The following FGFR3 variants were observed in gnomAD, a reference collection of about 807,000 sequenced individuals.
FGFR3 encodes FGFR-3.
Under a neutral mutation model 82.9 loss-of-function variants are expected in FGFR3, and 25 were observed. The observed-to-expected ratio is 0.30, with a 90% CI of 0.22 to 0.42. The LOEUF (loss-of-function observed/expected upper bound fraction) is 0.42, where lower values mean the gene tolerates loss of function less well. Ranked by LOEUF, FGFR3 falls within the 10% of genes least tolerant of loss-of-function variation. The pLI, the probability that FGFR3 is intolerant of heterozygous loss-of-function variation, is 1.00. For missense variants in FGFR3, 1,026 were observed against 1,161.0 expected (o/e 0.88, Z 1.69); for synonymous variants, 620 against 516.0 (o/e 1.20, Z -2.73).
intron 4 of FGFR3, 118 bp downstream of exon 4, chr4:1,799,930 C>CAGA (rs1405619238): frequency 8.7e-7 from 1 of 1,153,568 alleles, no homozygotes. Context: ...CTGGGGTCAC[C>CAGA]CCGAAGGTCT....
intron 2 of FGFR3, among the ~76,000 whole-genome samples, chr4:1,798,036 C>A (rs1720722002): frequency 6.6e-6 from 1 of 152,140 alleles, no homozygotes; most frequent in Admixed American, 6.5e-5. Context: ...CCGTCCCGGC[C>A]CCAAGCCCGG....
chr4:1,803,918 G>A (rs571092003), intron 8 of FGFR3, 82 bp downstream of exon 8: 33 of 1,438,188 alleles, frequency 2.3e-5, no homozygotes, highest in South Asian at 1.5e-4. Flanking sequence ...CAGGACGGAC[G>A]GGAATCCTGT....
rs896938786 is a variant in FGFR3, at chr4:1,801,385, G to A, written c.464G>A (p.Arg155Gln). 3.9e-6 allele frequency: 6 copies of A among 1,556,852 alleles called. No individual in the cohort carries two copies. Among genetic ancestry groups the A allele is most frequent in the Admixed American group, 1.9e-5 (1 of 52,686 alleles). Residue 155 changes from arginine to glutamine, a missense_variant, in exon 5 of 18, where the codon CGG (arginine) becomes CAG (glutamine). Arg to Gln is a conservative substitution (Grantham distance 43). Coordinates refer to ENST00000440486, the MANE Select transcript of FGFR3 (RefSeq NM_000142.5). ...GVDTGAPYWTRPERMDKKLLA... is the reference protein window; with the variant it reads ...GVDTGAPYWTQPERMDKKLLA... ...CCCGCAGGGGCCCCTTACTGGACAC[G>A]GCCCGAGCGGATGGACAAGAAGCTG...
chr4:1,794,141 G>A, intron 2 of FGFR3, 98 bp downstream of exon 2: 1 of 584,256 alleles, frequency 1.7e-6, no homozygotes, highest in East Asian at 3.9e-5. Context: ...CGCCGGGTGT[G>A]AGTGACGCCC....
chr4:1,805,710 C>T (rs1317233860), intron 12 of FGFR3, 40 bp from the exon 13 acceptor site: 5 of 1,611,216 alleles, frequency 3.1e-6, no homozygotes, highest in South Asian at 2.2e-5. Context: ...GGGCGGCCCT[C>T]CTGGGCCTGG....
At position 1,803,091 on chromosome 4, in the gene FGFR3, G is replaced by A. The variant is rs766247315; in HGVS notation, c.931-601G>A. On this transcript the variant is annotated intron_variant, in intron 7 of 17. Transcript: ENST00000440486. The stretch of plus-strand genomic sequence containing the variant: ...TAACGACTCTGTCCCATGCCGGCCG[G>A]CACAAGAGCTCCAGCTCCAAGGCCC... 6 of 1,534,894 alleles carry A rather than the reference G, an allele frequency of 3.9e-6. 1 individual carries two copies. The South Asian group carries it at 6.1e-5, about 16-fold the overall frequency.
intron 2 of FGFR3, among the ~76,000 whole-genome samples, chr4:1,796,553 C>T (rs1720540685): frequency 6.6e-6 from 1 of 152,182 alleles, no homozygotes; most frequent in South Asian, 2.1e-4. Context: ...ACCCCTGGGG[C>T]AGCCAGCTCC....
intron 2 of FGFR3, 133 bp from the exon 3 acceptor site, chr4:1,799,121 C>T (rs1028041596): frequency 2.4e-6 from 3 of 1,266,348 alleles, no homozygotes; most frequent in East Asian, 2.3e-5. Context: ...AGTTTCCAGC[C>T]CCTGGTCTGG....
rs1309511579 is a variant in FGFR3 at position 1,799,444 on chromosome 4, C to T, written c.300C>T (p.Ser100=). The stretch of plus-strand genomic sequence containing the variant: ...AGCGGCTGCAGGTGCTGAATGCCTC[C>T]CACGAGGACTCCGGGGCCTACAGCT... ...GPQRLQVLNA[S]HEDSGAYSCR... The change falls in exon 3 of 18, where the codon TCC becomes TCT. Residue 100 remains serine, a synonymous_variant. Coordinates refer to ENST00000440486, the MANE Select transcript of FGFR3 (RefSeq NM_000142.5). The T allele has an allele frequency of 1.9e-6, 3 of 1,608,400 alleles. No individual in the cohort carries two copies. Among genetic ancestry groups the T allele is most frequent in the Non-Finnish European group, 2.5e-6 (3 of 1,178,154 alleles).
At position 1,807,567 on chromosome 4, in the gene FGFR3, T is replaced by C. The variant is rs1467954117; in HGVS notation, c.*305T>C. 4 of 699,358 alleles carry C rather than the reference T, an allele frequency of 5.7e-6. No individual in the cohort carries two copies. Among genetic ancestry groups the C allele is most frequent in the Non-Finnish European group, 1.1e-5 (4 of 375,686 alleles). The allele number at this position is 699,358 out of a possible 1,614,324, so 43.3% of individuals were successfully genotyped here. A position where few individuals can be genotyped will look rare whatever the true frequency, so the allele number is the denominator to read the frequency against. On this transcript the variant is annotated 3_prime_UTR_variant, in exon 18 of 18. Coordinates refer to ENST00000440486, the MANE Select transcript of FGFR3 (RefSeq NM_000142.5). ...GGGGGGACCCAGTGCAGAATGTAAG[T>C]GGGCCCACCCGGTGGGACCCCCGTG...
At chr4:1,804,020 G>GA (rs1721540810) in intron 8 of FGFR3, among the ~76,000 whole-genome samples, 184 bp downstream of exon 8, 1 of 152,224 alleles carries the variant, frequency 6.6e-6, no homozygotes, top group African/African-American at 2.4e-5. Flanking sequence ...TGGTCCCAGA[G>GA]GGGCCCCCTC....
At chr4:1,804,294 G>A (rs200104209) in intron 8 of FGFR3, 36 bp from the exon 9 acceptor site, 10 of 1,553,428 alleles carry the variant, frequency 6.4e-6, no homozygotes, top group Middle Eastern at 1.7e-4. Context: ...GTGGGGGGGG[G>A]GGCCAGGCCA....
chr4:1,802,977 G>C, intron 7 of FGFR3: 1 of 1,601,270 alleles, frequency 6.2e-7, no homozygotes, highest in Non-Finnish European at 8.5e-7. Context: ...GTCGGAGCGG[G>C]ACGGGGGCGA....
chr4:1,799,056 G>T (rs1014010987), intron 2 of FGFR3, among the ~76,000 whole-genome samples, 198 bp from the exon 3 acceptor site: 1 of 152,228 alleles, frequency 6.6e-6, no homozygotes, highest in African/African-American at 2.4e-5. Context: ...CGGAGTCCTT[G>T]GGACAGACTG....
chr4:1,807,446 C>A lies in FGFR3; in HGVS notation c.*184C>A. 3 of 934,996 alleles carry A rather than the reference C, an allele frequency of 3.2e-6. No individual in the cohort carries two copies. Among genetic ancestry groups the A allele is most frequent in the East Asian group, 2.6e-5 (1 of 38,148 alleles). The allele number at this position is 934,996 out of a possible 1,614,324, so 57.9% of individuals were successfully genotyped here. ...ACATCCGCGTGTGCCTGTGTGCGTG[C>A]GCATCTTGCCTCCAGGTGCAGAGGT... On this transcript the variant is annotated 3_prime_UTR_variant, in exon 18 of 18. Coordinates refer to ENST00000440486, the MANE Select transcript of FGFR3 (RefSeq NM_000142.5).
intron 2 of FGFR3, among the ~76,000 whole-genome samples, chr4:1,798,456 A>G (rs1351908660): frequency 3.3e-5 from 5 of 151,100 alleles, no homozygotes; most frequent in African/African-American, 9.8e-5. Context: ...TCTTCTCGGT[A>G]TGTTTTCCGT....
In FGFR3 at chr4:1,799,933, G is replaced by A; in HGVS notation, c.445+121G>A. On this transcript the variant is annotated intron_variant, in intron 4 of 17. Transcript: ENST00000440486. ...GGAACAACCTCCCTGGGGTCACCCC[G>A]AAGGTCTGGTCCCCTCAGGATACAG... 7 of 1,113,726 alleles carry A rather than the reference G, an allele frequency of 6.3e-6. 1 individual carries two copies. In the South Asian group the frequency reaches 7.5e-5, roughly 12 times the overall value. The allele number at this position is 1,113,726 out of a possible 1,614,324, so 69.0% of individuals were successfully genotyped here.
At chr4:1,803,553 G>A (rs1023090822) in intron 7 of FGFR3, 139 bp from the exon 8 acceptor site, 131 of 1,435,838 alleles carry the variant, frequency 9.1e-5, no homozygotes, top group Middle Eastern at 2.5e-4. Context: ...GCCGCGTGGC[G>A]GTGACCAAGT....
Position 1,807,327 on chromosome 4 carries a change from C to T in FGFR3, c.*65C>T, listed in dbSNP as rs765546868. On this transcript the variant is annotated 3_prime_UTR_variant, in exon 18 of 18. Transcript: ENST00000440486. ...GCCCACCCTGCTGCTGGTGCACAGC[C>T]ACTCCCCGGCATGAGACTCAGTGCA... 5.8e-6 allele frequency: 9 copies of T among 1,539,238 alleles called. No individual in the cohort carries two copies. In the South Asian group the frequency reaches 9.5e-5, roughly 16 times the overall value.
Sources: gnomAD v4.1 joint callset for allele counts (sites outside exome capture counted in the v4.1 genomes callset) on GRCh38, gnomAD v4.1.1 for gene constraint, MANE v1.5 for transcripts, NCBI Gene and HGNC (gene_info 2026-07-23, HGNC 2026-07-21) for gene names.